Variants in DDI2 observed in about 807,000 individuals in gnomAD.
The protein encoded by DDI2 is DDI proteasomal shuttling factor 2, also known as protein DDI1 homolog 2.
In DDI2, 5 loss-of-function variants were observed where a neutral mutation model predicts 48.1. The observed-to-expected ratio is 0.10, with a 90% CI of 0.05 to 0.22. DDI2 has a LOEUF of 0.22. DDI2 is among the 10% of genes least tolerant of loss of function. The probability of loss-of-function intolerance (pLI) is 1.00; values close to 1 mark genes in which losing one functional copy is unlikely to be tolerated. For missense variants in DDI2, 285 were observed against 506.2 expected, an observed-to-expected ratio of 0.56 and a Z score of 4.19; for synonymous variants, 205 against 183.6, an observed-to-expected ratio of 1.12 and a Z score of -0.94.
At chr1:15,655,883 A>G (rs938302381) in intron 8 of DDI2, among the ~76,000 whole-genome samples, 10 of 152,274 alleles carry the variant, frequency 6.6e-5, no homozygotes, top group Admixed American at 2.0e-4. Context: ...TTGTGGTTGC[A>G]CCACTGCACT....
intron 1 of DDI2, among the ~76,000 whole-genome samples, chr1:15,618,236 A>G (rs1433241738): frequency 1.3e-5 from 2 of 148,774 alleles, no homozygotes; most frequent in East Asian, 1.9e-4. Context: ...ACTGTGGTAG[A>G]TAGATGTTCC....
At chr1:15,653,684 A>G (rs1277365717) in intron 8 of DDI2, among the ~76,000 whole-genome samples, 2 of 152,012 alleles carry the variant, frequency 1.3e-5, no homozygotes, top group Non-Finnish European at 2.9e-5. Flanking sequence ...TTTTGTAAAG[A>G]TGAGGTTTTG....
intron 6 of DDI2, among the ~76,000 whole-genome samples, chr1:15,647,164 T>C (rs534122342): frequency 5.2e-4 from 79 of 152,152 alleles, no homozygotes; most frequent in African/African-American, 1.8e-3. Flanking sequence ...CTTTTTTTTT[T>C]TGAAACAGAG....
At chr1:15,629,999 T>A (rs1187364473) in intron 2 of DDI2, among the ~76,000 whole-genome samples, 1 of 152,208 alleles carries the variant, frequency 6.6e-6, no homozygotes, top group Non-Finnish European at 1.5e-5. Context: ...CCCAAAGTGC[T>A]GGGATTACAG....
At chr1:15,617,912 A>C in intron 1 of DDI2, 104 bp downstream of exon 1, 1 of 1,364,338 alleles carries the variant, frequency 7.3e-7, no homozygotes, top group Non-Finnish European at 9.5e-7. Context: ...GGCTGGGGGG[A>C]GCAAGGATAG....
chr1:15,628,452 T>G (rs1639791666), intron 2 of DDI2, among the ~76,000 whole-genome samples: 1 of 152,222 alleles, frequency 6.6e-6, no homozygotes, highest in Non-Finnish European at 1.5e-5. Context: ...CAAGTTTGTT[T>G]GTTTTTTGAT....
intron 8 of DDI2, among the ~76,000 whole-genome samples, 188 bp downstream of exon 8, chr1:15,652,083 G>A (rs1221540472): frequency 1.5e-4 from 3 of 20,220 alleles, no homozygotes; most frequent in Non-Finnish European, 2.9e-4. Flanking sequence ...TTTTTTTTTT[G>A]GAGACATTGT....
chr1:15,642,716 G>A (rs1424234917), intron 5 of DDI2, among the ~76,000 whole-genome samples: 1 of 152,156 alleles, frequency 6.6e-6, no homozygotes, highest in Non-Finnish European at 1.5e-5. Flanking sequence ...TTGAGGTGAG[G>A]AGTTCCAGAC....
intron 8 of DDI2, among the ~76,000 whole-genome samples, chr1:15,656,247 G>A (rs1306503075): frequency 2.6e-5 from 4 of 152,144 alleles, no homozygotes; most frequent in Non-Finnish European, 5.9e-5. Context: ...AATTTGGAAA[G>A]GGACTGTTAG....
In DDI2 at chr1:15,649,127, G is replaced by A. The variant is rs529722333; in HGVS notation, c.890-593G>A. Among the ~76,000 whole-genome samples the A allele has an allele frequency of 1.2e-3, 177 of 152,260 alleles. 1 individual carries two copies. The highest frequency in any genetic ancestry group is 4.0e-3 in the African/African-American group (168 of 41,556). ...GCCTGTAATCCCAGCACGTTGGGAG[G>A]CCAAGGTGGGTGGATCACGTGAGGT... On this transcript the variant is annotated intron_variant, in intron 6 of 9. Coordinates refer to ENST00000480945, the MANE Select transcript of DDI2 (RefSeq NM_032341.5).
Position 15,630,518 on chromosome 1 carries a change from A to G in DDI2, c.462A>G (p.Glu154=), listed in dbSNP as rs1382044908. The G allele has an allele frequency of 5.0e-6, 8 of 1,614,130 alleles. No homozygotes were observed. The South Asian group carries it at 7.7e-5, about 16-fold the overall frequency. Residue 154 remains glutamate (E), a synonymous_variant, in exon 3 of 10, where the codon GAA becomes GAG. Transcript: ENST00000480945. The part of the protein sequence containing the change: ...ANPHELSLLK[E]RNPPLAEALL... The stretch of plus-strand genomic sequence containing the variant: ...CGCATGAGCTGTCCTTGCTGAAGGA[A>G]CGCAATCCACCCCTGGCAGAAGCTC...
intron 1 of DDI2, among the ~76,000 whole-genome samples, chr1:15,621,470 A>C (rs1239542724): frequency 6.6e-6 from 1 of 151,864 alleles, no homozygotes; most frequent in Non-Finnish European, 1.5e-5. Context: ...CTGTAGCCTC[A>C]ACCTCCTGGG....
At chr1:15,640,183 TGA>T (rs140213644) in intron 5 of DDI2, among the ~76,000 whole-genome samples, 1,921 of 152,136 alleles carry the variant, frequency 0.013, 36 homozygotes, top group African/African-American at 0.044. Context: ...CCCGTGTGAG[TGA>T]GAGACAAATA....
Position 15,663,889 on chromosome 1 carries a change from T to TA in DDI2, c.*4100dup, listed in dbSNP as rs551609188. The TA allele has an allele frequency of 5.1e-4, 77 of 152,318 alleles. No individual in the cohort carries two copies. Among genetic ancestry groups the TA allele is most frequent in the Admixed American group, 5.0e-3 (76 of 15,300 alleles). The allele number at this position is 152,318 out of a possible 1,614,324, so 9.4% of individuals were successfully genotyped here. On this transcript the variant is annotated 3_prime_UTR_variant, in exon 10 of 10. Coordinates refer to ENST00000480945, the MANE Select transcript of DDI2 (RefSeq NM_032341.5). ...ACCTTGGCACACAATTCAGTGTGGA[T>TA]ATTTGGGAAACAGTTCCAAGTGGAA...
At chr1:15,630,217 A>T in intron 2 of DDI2, 108 bp from the exon 3 acceptor site, 1 of 969,268 alleles carries the variant, frequency 1.0e-6, no homozygotes, top group Non-Finnish European at 1.6e-6. Context: ...GTCTACAGTT[A>T]CCTTTGCTGC....
At chr1:15,623,921 G>A (rs1044984656) in intron 1 of DDI2, among the ~76,000 whole-genome samples, 13 of 151,880 alleles carry the variant, frequency 8.6e-5, no homozygotes, top group African/African-American at 2.2e-4. Context: ...AAAATTAGCC[G>A]CTTGTGGGGG....
In DDI2 at chr1:15,666,968, T is replaced by TG. The variant is rs1241812969; in HGVS notation, c.*7181dup. The TG allele has an allele frequency of 2.0e-5, 3 of 152,156 alleles. No individual in the cohort carries two copies. The highest frequency in any genetic ancestry group is 7.2e-5 in the African/African-American group (3 of 41,422). 9.4% of individuals were successfully genotyped at this position (152,156 alleles called of 1,614,324 possible). On this transcript the variant is annotated 3_prime_UTR_variant, in exon 10 of 10. Transcript: ENST00000480945. ...GCTCACACCTGTAATCCCAGCACTTTGGGAGGCCAAGGTGGGTGGATATGA... is the reference window on the plus strand; with the variant it reads ...GCTCACACCTGTAATCCCAGCACTTTGGGGAGGCCAAGGTGGGTGGATATGA...
chr1:15,661,694 T>C lies in DDI2; in HGVS notation c.*1904T>C. On this transcript the variant is annotated 3_prime_UTR_variant, in exon 10 of 10. Coordinates refer to ENST00000480945, the MANE Select transcript of DDI2 (RefSeq NM_032341.5). ...GCAGACCTTGCACTTCTTGTTTTGC[T>C]CGCAAAAAACATCGTAGTTCCTACA... 2 of 1,610,096 alleles carry C rather than the reference T, an allele frequency of 1.2e-6. No individual in the cohort carries two copies. The highest frequency in any genetic ancestry group is 1.7e-6 in the Non-Finnish European group (2 of 1,178,250).
intron 4 of DDI2, 152 bp downstream of exon 4, chr1:15,633,717 CT>C (rs2103467226): frequency 8.9e-7 from 1 of 1,121,646 alleles, no homozygotes; most frequent in Non-Finnish European, 1.3e-6. Flanking sequence ...AGTCTCTCCT[CT>C]TTCATTTTCT....
Sources: gnomAD v4.1 joint callset for allele counts (sites outside exome capture counted in the v4.1 genomes callset) on GRCh38, gnomAD v4.1.1 for gene constraint, MANE v1.5 for transcripts, NCBI Gene and HGNC (gene_info 2026-07-23, HGNC 2026-07-21) for gene names.